The following CDH13 variants were observed in gnomAD, a reference collection of about 807,000 sequenced individuals.
The protein encoded by CDH13 is cadherin 13.
In CDH13, 24 loss-of-function variants were observed where a neutral mutation model predicts 63.8. The ratio of observed to expected loss-of-function variants is 0.38; its 90% confidence interval spans 0.27 to 0.53. The LOEUF (loss-of-function observed/expected upper bound fraction) is 0.53. Ranked by LOEUF, CDH13 falls within the 20% of genes least tolerant of loss-of-function variation. The pLI, the probability that CDH13 is intolerant of heterozygous loss-of-function variation, is 0.85. For synonymous variants in CDH13, 503 were observed against 355.3 expected, an observed-to-expected ratio of 1.42 and a Z score of -4.67; for missense variants, 1,049 against 903.1, an observed-to-expected ratio of 1.16 and a Z score of -2.07.
intron 7 of CDH13, among the ~76,000 whole-genome samples, chr16:83,506,290 G>C (rs1294204111): frequency 6.6e-6 from 1 of 152,142 alleles, no homozygotes; most frequent in Non-Finnish European, 1.5e-5. Flanking sequence ...CTGGGGGTTG[G>C]GGAATGGGGC....
intron 6 of CDH13, among the ~76,000 whole-genome samples, chr16:83,452,572 G>T (rs1567682230): frequency 6.6e-6 from 1 of 151,896 alleles, no homozygotes; most frequent in Admixed American, 6.6e-5. Flanking sequence ...GCTTGGGGAT[G>T]GTACTTGTTT....
chr16:83,321,370 C>T (rs1204990498), intron 5 of CDH13, among the ~76,000 whole-genome samples: 1 of 152,162 alleles, frequency 6.6e-6, no homozygotes, highest in African/African-American at 2.4e-5. Flanking sequence ...GGAGGCACGT[C>T]ACTCACCCTT....
intron 7 of CDH13, among the ~76,000 whole-genome samples, chr16:83,599,263 CCTT>C (rs1326048633): frequency 6.6e-6 from 1 of 152,226 alleles, no homozygotes; most frequent in Non-Finnish European, 1.5e-5. Context: ...AACTTTATCT[CCTT>C]CTTATGCCAC....
intron 1 of CDH13, among the ~76,000 whole-genome samples, chr16:82,856,374 C>CAA (rs71382852): frequency 1.0e-4 from 10 of 95,886 alleles, no homozygotes; most frequent in African/African-American, 4.3e-4. Flanking sequence ...GACTCCATCT[C>CAA]AAAAAAAAAA....
chr16:82,997,133 G>A (rs1005455833), intron 2 of CDH13, among the ~76,000 whole-genome samples: 53 of 142,860 alleles, frequency 3.7e-4, no homozygotes, highest in African/African-American at 1.4e-3. Flanking sequence ...TGGTGGTGAT[G>A]GTGGTGATGA....
intron 10 of CDH13, among the ~76,000 whole-genome samples, chr16:83,747,171 C>G (rs547544568): frequency 1.1e-4 from 16 of 152,196 alleles, no homozygotes; most frequent in African/African-American, 3.9e-4. Flanking sequence ...CTTGCCCTCG[C>G]GTAACCTACA....
At chr16:82,688,541 A>G (rs1915316501) in intron 1 of CDH13, among the ~76,000 whole-genome samples, 3 of 152,210 alleles carry the variant, frequency 2.0e-5, no homozygotes. Flanking sequence ...ACTCAGAAAT[A>G]TTTATTGAAT....
intron 10 of CDH13, among the ~76,000 whole-genome samples, chr16:83,704,977 A>C (rs965760595): frequency 1.3e-5 from 2 of 152,138 alleles, no homozygotes; most frequent in African/African-American, 4.8e-5. Flanking sequence ...AAACTTGTAG[A>C]TTTTTCTGGC....
intron 2 of CDH13, among the ~76,000 whole-genome samples, chr16:82,891,965 G>C (rs1319619916): frequency 6.6e-6 from 1 of 152,148 alleles, no homozygotes; most frequent in East Asian, 1.9e-4. Flanking sequence ...GTATCCTTTT[G>C]ATCCTTTGTT....
intron 1 of CDH13, among the ~76,000 whole-genome samples, chr16:82,709,579 G>C (rs1160940666): frequency 1.3e-5 from 2 of 152,138 alleles, no homozygotes; most frequent in African/African-American, 4.8e-5. Flanking sequence ...GGTACCTTGC[G>C]AGGCTGTGGA....
intron 5 of CDH13, among the ~76,000 whole-genome samples, chr16:83,333,321 G>C (rs953591540): frequency 6.6e-6 from 1 of 152,274 alleles, no homozygotes; most frequent in African/African-American, 2.4e-5. Flanking sequence ...AATAGGAATT[G>C]AATCTAGTAT....
chr16:83,072,107 C>T (rs530769400), intron 3 of CDH13, among the ~76,000 whole-genome samples: 4 of 152,164 alleles, frequency 2.6e-5, no homozygotes, highest in Non-Finnish European at 5.9e-5. Context: ...TTAGTCAAGT[C>T]GAAAATTGTT....
At chr16:83,380,720 C>G (rs2091549680) in intron 6 of CDH13, among the ~76,000 whole-genome samples, 1 of 152,138 alleles carries the variant, frequency 6.6e-6, no homozygotes, top group African/African-American at 2.4e-5. Flanking sequence ...CAGTACCCTC[C>G]CTTCCCAAAA....
chr16:83,089,171 A>G (rs560594396), intron 3 of CDH13, among the ~76,000 whole-genome samples: 126 of 152,324 alleles, frequency 8.3e-4, no homozygotes, highest in Non-Finnish European at 1.6e-3. Flanking sequence ...TATCATCTCC[A>G]TTTTACAGAT....
chr16:83,783,082 G>A (rs1396514596), intron 12 of CDH13, among the ~76,000 whole-genome samples, 172 bp from the exon 13 acceptor site: 1 of 152,206 alleles, frequency 6.6e-6, no homozygotes, highest in African/African-American at 2.4e-5. Context: ...AGGTGCCACT[G>A]AGGATCTGAA....
intron 1 of CDH13, among the ~76,000 whole-genome samples, chr16:82,691,273 T>A (rs1915618049): frequency 6.6e-6 from 1 of 152,146 alleles, no homozygotes; most frequent in African/African-American, 2.4e-5. Flanking sequence ...CTGCAGTCAG[T>A]CTCCCTATAT....
chr16:82,680,047 T>G (rs2150959131), intron 1 of CDH13, among the ~76,000 whole-genome samples: 1 of 152,298 alleles, frequency 6.6e-6, no homozygotes, highest in South Asian at 2.1e-4. Context: ...ATGGGGAATT[T>G]GCTTGTCCCT....
chr16:82,895,868 A>T (rs1296824735), intron 2 of CDH13, among the ~76,000 whole-genome samples: 2 of 152,192 alleles, frequency 1.3e-5, no homozygotes, highest in African/African-American at 2.4e-5. Context: ...GCCAGTACAC[A>T]TGGGAGAGCC....
intron 8 of CDH13, among the ~76,000 whole-genome samples, chr16:83,665,491 T>G (rs1158140960): frequency 3.3e-5 from 5 of 152,198 alleles, no homozygotes; most frequent in South Asian, 2.1e-4. Context: ...TATGTAAACA[T>G]AGACTCAAAA....
Sources: gnomAD v4.1 joint callset for allele counts (sites outside exome capture counted in the v4.1 genomes callset) on GRCh38, gnomAD v4.1.1 for gene constraint, MANE v1.5 for transcripts, NCBI Gene and HGNC (gene_info 2026-07-23, HGNC 2026-07-21) for gene names.